The following PCDHGA3 variants were observed in gnomAD, a reference collection of about 807,000 sequenced individuals.
PCDHGA3 encodes protocadherin gamma-A3.
A neutral mutation model predicts 58.5 loss-of-function variants in PCDHGA3; 40 were observed. The ratio of observed to expected loss-of-function variants is 0.68; its 90% CI spans 0.53 to 0.89. PCDHGA3 has a LOEUF of 0.89. Among genes scored for constraint, PCDHGA3 ranks in the 40% least tolerant of loss-of-function variants. The pLI, the probability that PCDHGA3 is intolerant of heterozygous loss-of-function variation, is 0.00. For missense variants in PCDHGA3, 1,223 were observed against 1,195.9 expected, an observed-to-expected ratio of 1.02 and a Z score of -0.33; for synonymous variants, 530 against 525.7, an observed-to-expected ratio of 1.01 and a Z score of -0.11.
At chr5:141,375,670 G>A (rs1186753190) in intron 1 of PCDHGA3, 5 of 1,614,248 alleles carry the variant, frequency 3.1e-6, no homozygotes, top group Non-Finnish European at 4.2e-6. Context: ...GAGACCTACA[G>A]CTGTGGGTGA....
intron 1 of PCDHGA3, chr5:141,372,071 A>G: frequency 6.2e-7 from 1 of 1,613,608 alleles, no homozygotes; most frequent in Non-Finnish European, 8.5e-7. Flanking sequence ...ACGACAATGC[A>G]CCGCTGGTGC....
At chr5:141,458,028 G>A (rs1363025110) in intron 1 of PCDHGA3, among the ~76,000 whole-genome samples, 2 of 152,122 alleles carry the variant, frequency 1.3e-5, no homozygotes, top group African/African-American at 4.8e-5. Flanking sequence ...ATTGTGTTCT[G>A]TTGACAAAGA....
chr5:141,367,484 C>A (rs1377181139), intron 1 of PCDHGA3: 13 of 152,012 alleles, frequency 8.6e-5, no homozygotes, highest in Admixed American at 8.5e-4. Flanking sequence ...TTGCAGTAAG[C>A]CGAGATCGCG....
intron 1 of PCDHGA3, chr5:141,440,759 C>T (rs1160288117): frequency 1.3e-5 from 2 of 152,158 alleles, no homozygotes; most frequent in Admixed American, 6.6e-5. Flanking sequence ...AAGCAGAGCT[C>T]CCATCCCTTA....
intron 1 of PCDHGA3, among the ~76,000 whole-genome samples, chr5:141,482,329 T>C (rs1334833454): frequency 6.6e-6 from 1 of 152,160 alleles, no homozygotes; most frequent in Non-Finnish European, 1.5e-5. Context: ...ATAAAGAGAA[T>C]ATCTACTTTG....
chr5:141,457,466 A>C (rs1404739941), intron 1 of PCDHGA3, among the ~76,000 whole-genome samples: 1 of 152,356 alleles, frequency 6.6e-6, no homozygotes, highest in East Asian at 1.9e-4. Context: ...ATTCACAGGA[A>C]TAAGCAGGGC....
At chr5:141,396,795 G>T (rs1022475514) in intron 1 of PCDHGA3, among the ~76,000 whole-genome samples, 1 of 152,180 alleles carries the variant, frequency 6.6e-6, no homozygotes, top group Admixed American at 6.5e-5. Context: ...ATTTCCTAAG[G>T]ATTGTGTAGT....
chr5:141,480,381 C>T (rs1018981416), intron 1 of PCDHGA3, among the ~76,000 whole-genome samples: 2 of 151,926 alleles, frequency 1.3e-5, no homozygotes, highest in Non-Finnish European at 2.9e-5. Context: ...CACCACTACA[C>T]TTCAACCATG....
At chr5:141,407,549 T>C (rs1159197129) in intron 1 of PCDHGA3, among the ~76,000 whole-genome samples, 4 of 151,912 alleles carry the variant, frequency 2.6e-5, no homozygotes, top group African/African-American at 9.7e-5. Flanking sequence ...TAACAGATTG[T>C]AGAACATAAG....
In PCDHGA3 at chr5:141,477,798, A is replaced by G; in HGVS notation, c.2425-17009A>G. On this transcript the variant is annotated intron_variant, in intron 1 of 3. Transcript: ENST00000253812. The surrounding 1 kb of genome is among the most constrained non-coding windows in gnomAD (Gnocchi z 4.9). ...GTGAACATATTTGTCACTGATCGCA[A>G]TGACAATGCCCCCCAGGTCCTATAT... The G allele has an allele frequency of 6.2e-7, 1 of 1,614,140 alleles. No homozygotes were observed. The highest frequency in any genetic ancestry group is 8.5e-7 in the Non-Finnish European group (1 of 1,180,038).
intron 1 of PCDHGA3, chr5:141,389,866 T>C: frequency 6.2e-7 from 1 of 1,614,082 alleles, no homozygotes; most frequent in South Asian, 1.1e-5. Context: ...TTGCACCTGG[T>C]CTTCGCCGAC....
chr5:141,417,893 G>T (rs766340497), intron 1 of PCDHGA3: 2 of 1,572,670 alleles, frequency 1.3e-6, no homozygotes, highest in Admixed American at 1.9e-5. Flanking sequence ...GCGCCGGGCC[G>T]GCCCGCGGCA....
At chr5:141,437,650 A>G in intron 1 of PCDHGA3, among the ~76,000 whole-genome samples, 1 of 152,314 alleles carries the variant, frequency 6.6e-6, no homozygotes, top group Non-Finnish European at 1.5e-5. Context: ...AAAAGCAAAC[A>G]CATAGTTTCG....
chr5:141,400,321 G>A lies in PCDHGA3; in HGVS notation c.2424+53864G>A, dbSNP rs190006023. On this transcript the variant is annotated intron_variant, in intron 1 of 3. Coordinates refer to ENST00000253812, the MANE Select transcript of PCDHGA3 (RefSeq NM_018916.4). ...CCAACCTGGTCTCTGTGTCAAGTCTGGACCTGTGGTTCCCCCCAACTACAG... is the reference window on the plus strand; with the variant it reads ...CCAACCTGGTCTCTGTGTCAAGTCTAGACCTGTGGTTCCCCCCAACTACAG... The A allele has an allele frequency of 9.3e-6, 15 of 1,614,064 alleles. No homozygotes were observed. In the Admixed American group the frequency reaches 2.5e-4, roughly 27 times the overall value.
At chr5:141,494,714 C>G in intron 1 of PCDHGA3, 93 bp from the exon 2 acceptor site, 2 of 1,603,958 alleles carry the variant, frequency 1.2e-6, no homozygotes, top group East Asian at 4.5e-5. Context: ...TGTGCCCACT[C>G]CCCTCCTTCT....
At chr5:141,427,946 T>A (rs769401863) in intron 1 of PCDHGA3, 1 of 1,586,550 alleles carries the variant, frequency 6.3e-7, no homozygotes, top group Middle Eastern at 1.7e-4. Flanking sequence ...GCGACCTCAA[T>A]GACAATGTGC....
chr5:141,490,092 C>T lies in PCDHGA3; in HGVS notation c.2425-4715C>T. On this transcript the variant is annotated intron_variant, in intron 1 of 3. Coordinates refer to ENST00000253812, the MANE Select transcript of PCDHGA3 (RefSeq NM_018916.4). This position sits in a 1 kb window ranked among gnomAD's most constrained non-coding sequence, Gnocchi z 5.4. ...AACTAGACTATTCTTTTGGAGACCA[C>T]ACATCTGAGGCAGTGCGGAACCTCT... 6.2e-7 allele frequency: 1 copy of T among 1,614,240 alleles called. No individual in the cohort carries two copies.
intron 1 of PCDHGA3, among the ~76,000 whole-genome samples, chr5:141,444,758 T>C (rs1430492886): frequency 1.3e-5 from 2 of 152,262 alleles, no homozygotes; most frequent in East Asian, 3.8e-4. Flanking sequence ...TATGTAGTTC[T>C]ATTTCTATAT....
chr5:141,438,658 G>GTA (rs2098048375), intron 1 of PCDHGA3, among the ~76,000 whole-genome samples: 7 of 77,996 alleles, frequency 9.0e-5, no homozygotes, highest in African/African-American at 1.9e-4. Flanking sequence ...ACACATATAT[G>GTA]TATATATATA....
Sources: gnomAD v4.1 joint callset for allele counts (sites outside exome capture counted in the v4.1 genomes callset) on GRCh38, gnomAD v4.1.1 for gene constraint, Gnocchi (gnomAD v3.1) non-coding constraint, MANE v1.5 for transcripts, NCBI Gene and HGNC (gene_info 2026-07-23, HGNC 2026-07-21) for gene names.